The following HBS1L variants were observed in gnomAD, a reference collection of about 807,000 sequenced individuals.
HBS1L encodes HBS1 like translational GTPase.
HBS1L carries 55 observed loss-of-function variants against 88.9 expected under a neutral mutation model. That is an observed-to-expected ratio of 0.62 (90% CI 0.50 to 0.77). The LOEUF is 0.77. Among genes scored for constraint, HBS1L ranks in the 30% least tolerant of loss-of-function variants. The pLI is 0.00. For synonymous variants in HBS1L, 267 were observed against 288.5 expected, an observed-to-expected ratio of 0.93 and a Z score of 0.76; for missense variants, 741 against 829.3, an observed-to-expected ratio of 0.89 and a Z score of 1.31.
intron 4 of HBS1L, among the ~76,000 whole-genome samples, chr6:135,024,009 A>G (rs983782961): frequency 2.6e-5 from 4 of 152,180 alleles, no homozygotes; most frequent in African/African-American, 9.7e-5. Context: ...GTGGTAGAAA[A>G]AGCCTCAATA....
intron 13 of HBS1L, chr6:134,982,255 C>CAT (rs997238444): frequency 1.6e-5 from 8 of 507,910 alleles, no homozygotes; most frequent in African/African-American, 1.2e-4. Context: ...TGTTTATGTA[C>CAT]ATATATATAC....
intron 4 of HBS1L, chr6:135,035,959 T>C (rs1776535117): frequency 1.7e-6 from 1 of 604,080 alleles, no homozygotes; most frequent in African/African-American, 2.0e-5. Flanking sequence ...ACTTCTATAT[T>C]TACATGGTCC....
At chr6:134,986,323 C>A (rs969699159) in intron 10 of HBS1L, 140 bp from the exon 11 acceptor site, 2 of 606,012 alleles carry the variant, frequency 3.3e-6, no homozygotes, top group African/African-American at 3.8e-5. Flanking sequence ...GAACTACAGC[C>A]CCAAAGTTAT....
intron 4 of HBS1L, among the ~76,000 whole-genome samples, chr6:135,032,507 A>C (rs539399068): frequency 6.6e-6 from 1 of 152,302 alleles, no homozygotes; most frequent in South Asian, 2.1e-4. Flanking sequence ...TATATAAAAC[A>C]ATTTCTAAAC....
At chr6:135,027,926 G>A (rs1477946875) in intron 4 of HBS1L, among the ~76,000 whole-genome samples, 4 of 151,834 alleles carry the variant, frequency 2.6e-5, no homozygotes, top group Non-Finnish European at 4.4e-5. Context: ...CACCACACTC[G>A]ACTAATTTTT....
intron 5 of HBS1L, among the ~76,000 whole-genome samples, chr6:135,000,804 G>A (rs551656722): frequency 2.6e-5 from 4 of 152,072 alleles, no homozygotes; most frequent in South Asian, 4.2e-4. Context: ...GCACCCAGCC[G>A]TATCCTTTTT....
intron 15 of HBS1L, among the ~76,000 whole-genome samples, chr6:134,971,204 C>A (rs565118309): frequency 2.0e-5 from 3 of 151,868 alleles, no homozygotes; most frequent in African/African-American, 7.2e-5. Flanking sequence ...TGGAAAGATT[C>A]CAAAAGAATT....
chr6:134,988,715 T>C (rs1338378177), intron 8 of HBS1L, among the ~76,000 whole-genome samples: 2 of 152,190 alleles, frequency 1.3e-5, no homozygotes, highest in African/African-American at 2.4e-5. Flanking sequence ...ATATTGCTCA[T>C]GGGACTGTAG....
intron 6 of HBS1L, 128 bp from the exon 7 acceptor site, chr6:134,997,070 C>A: frequency 2.8e-6 from 2 of 720,424 alleles, no homozygotes; most frequent in South Asian, 2.2e-5. Context: ...TATCAAATGA[C>A]AGTTAAAACA....
At chr6:135,040,474 C>A (rs990825295) in intron 3 of HBS1L, among the ~76,000 whole-genome samples, 1 of 151,264 alleles carries the variant, frequency 6.6e-6, no homozygotes, top group Non-Finnish European at 1.5e-5. Flanking sequence ...ACCTCAGCCT[C>A]CTGAGTAGCT....
intron 2 of HBS1L, among the ~76,000 whole-genome samples, chr6:135,047,158 T>C (rs550267563): frequency 2.1e-4 from 32 of 152,182 alleles, no homozygotes; most frequent in Non-Finnish European, 4.0e-4. Context: ...ATGGATAAAC[T>C]CCGTCTCTGT....
At position 134,985,364 on chromosome 6, in the gene HBS1L, A is replaced by C; in HGVS notation, c.1469T>G (p.Leu490Ter). The change falls in exon 12 of 18, where the codon TTA (leucine) becomes TGA (stop). Residue 490 changes from leucine (L) to a stop codon, truncating the protein, a stop_gained. Transcript: ENST00000367837. LOFTEE classifies it high-confidence loss of function. ...ACCTTTGAAAACATCGGACACACATAATCTAAAAGGTTTGTCAATAGATCG... is the reference window on the plus strand; with the variant it reads ...ACCTTTGAAAACATCGGACACACATCATCTAAAAGGTTTGTCAATAGATCG... ...PQRSIDKPFR[L>*]CVSDVFKDQG... is the part of the protein sequence containing the mutation. 3 of 1,607,364 alleles carry C rather than the reference A, an allele frequency of 1.9e-6. No homozygotes were observed. The highest frequency in any genetic ancestry group is 2.5e-6 in the Non-Finnish European group (3 of 1,176,998).
At chr6:135,037,851 C>A in intron 4 of HBS1L, 1 of 1,546,404 alleles carries the variant, frequency 6.5e-7, no homozygotes. Flanking sequence ...TGTCAAGTTT[C>A]TTTTTTCTAT....
At chr6:135,001,663 C>A (rs538647772) in intron 5 of HBS1L, among the ~76,000 whole-genome samples, 1 of 152,092 alleles carries the variant, frequency 6.6e-6, no homozygotes, top group Non-Finnish European at 1.5e-5. Context: ...TAAAGTTACT[C>A]ATGATAAAAA....
At chr6:135,025,768 CAG>C (rs569476526) in intron 4 of HBS1L, among the ~76,000 whole-genome samples, 2 of 152,200 alleles carry the variant, frequency 1.3e-5, no homozygotes, top group South Asian at 4.1e-4. Context: ...AAGAAAAAGA[CAG>C]GGTTTTTGAA....
At chr6:135,010,936 CA>C (rs1775756491) in intron 4 of HBS1L, among the ~76,000 whole-genome samples, 1 of 151,934 alleles carries the variant, frequency 6.6e-6, no homozygotes, top group South Asian at 2.1e-4. Flanking sequence ...TAGGAATTAA[CA>C]GGAATTAAGT....
rs1188912366 is a variant in HBS1L at position 135,015,900 on chromosome 6, T to C, written c.431-13058A>G. 7.1e-4 allele frequency among the ~76,000 whole-genome samples: 105 copies of C among 147,214 alleles called. 1 individual carries two copies. The highest frequency in any genetic ancestry group is 1.1e-3 in the Non-Finnish European group (76 of 66,632). Reference sequence around the variant, plus strand: ...GCCCAGCCTTTTTTTTTTTTTTTTTTTCCAGACGGAGTCTTGTTCTGTTGC... The same window carrying C: ...GCCCAGCCTTTTTTTTTTTTTTTTTCTCCAGACGGAGTCTTGTTCTGTTGC... On this transcript the variant is annotated intron_variant, in intron 4 of 17. Transcript: ENST00000367837.
At chr6:134,988,444 CAA>C (rs35138728) in intron 8 of HBS1L, among the ~76,000 whole-genome samples, 2 of 119,276 alleles carry the variant, frequency 1.7e-5, no homozygotes, top group African/African-American at 2.7e-5. Context: ...GAATCTTTAC[CAA>C]AAAAAAAAAA....
intron 3 of HBS1L, 84 bp downstream of exon 3, chr6:135,041,917 T>C (rs1776749598): frequency 1.6e-6 from 2 of 1,232,124 alleles, no homozygotes; most frequent in Non-Finnish European, 2.3e-6. Flanking sequence ...TAGTCACTGT[T>C]ATAAACACAA....
Sources: gnomAD v4.1 joint callset for allele counts (sites outside exome capture counted in the v4.1 genomes callset) on GRCh38, gnomAD v4.1.1 for gene constraint, MANE v1.5 for transcripts, NCBI Gene and HGNC (gene_info 2026-07-23, HGNC 2026-07-21) for gene names.